The following SUGCT variants were observed in gnomAD, a reference collection of about 807,000 sequenced individuals.
The protein encoded by SUGCT is succinyl-CoA:glutarate-CoA transferase, also known as succinyl-CoA:glutarate CoA-transferase.
Under a neutral mutation model 55.0 loss-of-function variants are expected in SUGCT, and 41 were observed. The ratio of observed to expected loss-of-function variants is 0.74; its 90% CI spans 0.58 to 0.97. The LOEUF (loss-of-function observed/expected upper bound fraction) is 0.97, where lower values mean the gene tolerates loss of function less well. Among genes scored for constraint, SUGCT ranks in the 50% least tolerant of loss-of-function variants. The pLI, the probability that SUGCT is intolerant of heterozygous loss-of-function variation, is 0.00. For synonymous variants in SUGCT, 187 were observed against 200.4 expected (o/e 0.93, Z 0.56); for missense variants, 568 against 547.8 (o/e 1.04, Z -0.37).
chr7:41,017,397 A>C, the SUGCT span, among the ~76,000 whole-genome samples: 2 of 152,318 alleles, frequency 1.3e-5, no homozygotes, highest in East Asian at 3.9e-4. Flanking sequence ...TTTAAAAATC[A>C]GTTTCACACT....
the SUGCT span, among the ~76,000 whole-genome samples, chr7:40,977,300 G>A: frequency 1.3e-5 from 2 of 152,222 alleles, no homozygotes; most frequent in Non-Finnish European, 2.9e-5. Flanking sequence ...CTGTTGATCT[G>A]ACTTCCAGAG....
intron 12 of SUGCT, among the ~76,000 whole-genome samples, chr7:40,704,815 A>G (rs1584305239): frequency 6.6e-6 from 1 of 152,232 alleles, no homozygotes; most frequent in East Asian, 1.9e-4. Context: ...AATTCATTGA[A>G]GAAGGTACTG....
At chr7:40,639,836 A>G (rs996147116) in intron 12 of SUGCT, among the ~76,000 whole-genome samples, 1 of 152,118 alleles carries the variant, frequency 6.6e-6, no homozygotes, top group Non-Finnish European at 1.5e-5. Flanking sequence ...TGTTGTAAGA[A>G]TTAAACTCAC....
chr7:40,738,123 G>T (rs541666611), intron 12 of SUGCT, among the ~76,000 whole-genome samples: 156 of 150,692 alleles, frequency 1.0e-3, no homozygotes, highest in African/African-American at 3.7e-3. Context: ...CTTGAACTAG[G>T]GAGGCAGAGG....
At chr7:40,949,399 G>T in the SUGCT span, among the ~76,000 whole-genome samples, 3 of 152,044 alleles carry the variant, frequency 2.0e-5, no homozygotes, top group Admixed American at 6.6e-5. Context: ...CTCCCATTCT[G>T]TAGGTTGCCT....
intron 12 of SUGCT, among the ~76,000 whole-genome samples, chr7:40,588,596 CAA>C (rs1287743781): frequency 1.3e-4 from 20 of 152,138 alleles, no homozygotes; most frequent in African/African-American, 4.3e-4. Context: ...GAACTATAAA[CAA>C]TATTAATTAA....
At chr7:40,839,770 A>T (rs1194561280) in intron 13 of SUGCT, among the ~76,000 whole-genome samples, 2 of 59,562 alleles carry the variant, frequency 3.4e-5, no homozygotes, top group East Asian at 2.8e-3. Context: ...CTCTATTTTT[A>T]TTTTGTTAAC....
At chr7:40,236,146 C>T (rs1788995668) in intron 6 of SUGCT, among the ~76,000 whole-genome samples, 1 of 152,054 alleles carries the variant, frequency 6.6e-6, no homozygotes. Flanking sequence ...TAACCTCTGC[C>T]TCCCGGGTTC....
chr7:40,759,403 A>G (rs1788424486), intron 13 of SUGCT, among the ~76,000 whole-genome samples: 1 of 152,214 alleles, frequency 6.6e-6, no homozygotes. Context: ...TATATATGGT[A>G]TATATATGAA....
At chr7:40,267,549 C>T (rs967508661) in intron 7 of SUGCT, among the ~76,000 whole-genome samples, 4 of 152,092 alleles carry the variant, frequency 2.6e-5, no homozygotes, top group African/African-American at 9.7e-5. Context: ...AATCCCTTTA[C>T]CCATGATAGA....
intron 9 of SUGCT, among the ~76,000 whole-genome samples, chr7:40,368,933 A>G (rs1291329881): frequency 2.0e-5 from 3 of 151,874 alleles, no homozygotes; most frequent in Non-Finnish European, 4.4e-5. Context: ...GCAAAACTGC[A>G]TCTCTACTAA....
chr7:40,424,132 A>G (rs1050711053), intron 9 of SUGCT, among the ~76,000 whole-genome samples: 2 of 152,180 alleles, frequency 1.3e-5, no homozygotes, highest in Admixed American at 1.3e-4. Flanking sequence ...CTCAAATGTT[A>G]AAAACAGTCG....
intron 3 of SUGCT, among the ~76,000 whole-genome samples, chr7:40,187,742 C>G (rs988748054): frequency 6.6e-6 from 1 of 151,980 alleles, no homozygotes; most frequent in Admixed American, 6.6e-5. Context: ...GGAACTAGCC[C>G]GGCCAATATT....
intron 8 of SUGCT, among the ~76,000 whole-genome samples, chr7:40,286,733 G>A (rs1420899293): frequency 6.6e-6 from 1 of 152,196 alleles, no homozygotes; most frequent in East Asian, 1.9e-4. Flanking sequence ...CTCACGTGAA[G>A]AATAAACATT....
the SUGCT span, among the ~76,000 whole-genome samples, chr7:40,936,251 T>C: frequency 6.8e-6 from 1 of 146,832 alleles, no homozygotes; most frequent in Non-Finnish European, 1.5e-5. Context: ...ATTATTATTA[T>C]TACTAATTTA....
At chr7:40,650,108 C>T (rs147266772) in intron 12 of SUGCT, among the ~76,000 whole-genome samples, 1 of 152,148 alleles carries the variant, frequency 6.6e-6, no homozygotes, top group Admixed American at 6.5e-5. Flanking sequence ...GGACTAAGGG[C>T]CTCAGTTCTG....
the SUGCT span, among the ~76,000 whole-genome samples, chr7:40,920,300 G>T: frequency 5.3e-5 from 8 of 152,212 alleles, no homozygotes; most frequent in African/African-American, 1.9e-4. Context: ...TATTTCTCCC[G>T]TTGAATTGGC....
At chr7:40,287,660 C>A (rs1793445227) in intron 8 of SUGCT, among the ~76,000 whole-genome samples, 1 of 152,048 alleles carries the variant, frequency 6.6e-6, no homozygotes, top group South Asian at 2.1e-4. Context: ...TCATGCTCAG[C>A]TAAATTTTTT....
chr7:41,003,720 G>A, the SUGCT span, among the ~76,000 whole-genome samples: 1 of 152,100 alleles, frequency 6.6e-6, no homozygotes, highest in South Asian at 2.1e-4. Context: ...ATCAACAAAT[G>A]AAAACACCTA....
Sources: gnomAD v4.1 joint callset for allele counts (sites outside exome capture counted in the v4.1 genomes callset) on GRCh38, gnomAD v4.1.1 for gene constraint, MANE v1.5 for transcripts, NCBI Gene and HGNC (gene_info 2026-07-23, HGNC 2026-07-21) for gene names.